ATXN7L1: variants seen among roughly 807,000 people sequenced by gnomAD.
ATXN7L1 encodes the protein ataxin-7-like protein 1.
Under a neutral mutation model 70.8 loss-of-function variants are expected in ATXN7L1, and 15 were observed. The observed-to-expected ratio is 0.21, with a 90% CI of 0.14 to 0.33. ATXN7L1 has a LOEUF of 0.33. ATXN7L1 is among the 10% of genes least tolerant of loss of function. ATXN7L1 has a pLI of 1.00. For synonymous variants in ATXN7L1, 440 were observed against 445.1 expected, an observed-to-expected ratio of 0.99 and a Z score of 0.14; for missense variants, 975 against 1,097.1, an observed-to-expected ratio of 0.89 and a Z score of 1.57.
rs935757825 is a variant in ATXN7L1, at chr7:105,606,049, CCTTT to C, written c.*1799_*1802del. On this transcript the variant is annotated 3_prime_UTR_variant, in exon 12 of 12. Coordinates refer to ENST00000419735, the MANE Select transcript of ATXN7L1 (RefSeq NM_020725.2). ...TTTATAAGTCTTAAAATCTCCTTAA[CCTTT>C]TTTTTTTAAAAAAAGAAAAAGTAAC... The C allele has an allele frequency of 6.6e-6, 1 of 151,660 alleles. No homozygotes were observed. The highest frequency in any genetic ancestry group is 1.5e-5 in the Non-Finnish European group (1 of 67,942). 9.4% of individuals were successfully genotyped at this position (151,660 alleles called of 1,614,324 possible). A position where few individuals can be genotyped will look rare whatever the true frequency, so the allele number is the denominator to read the frequency against.
intron 3 of ATXN7L1, among the ~76,000 whole-genome samples, chr7:105,784,709 C>G (rs1026525784): frequency 2.6e-5 from 4 of 152,104 alleles, no homozygotes; most frequent in Admixed American, 2.0e-4. Flanking sequence ...CCAGCAACCC[C>G]CTGAGGCAGG....
chr7:105,844,902 CA>C (rs1181820588), intron 2 of ATXN7L1, among the ~76,000 whole-genome samples: 1 of 151,992 alleles, frequency 6.6e-6, no homozygotes. Context: ...AATAAAAGAA[CA>C]TACATAAGAA....
intron 2 of ATXN7L1, among the ~76,000 whole-genome samples, chr7:105,858,614 CA>C (rs1406397339): frequency 6.6e-6 from 1 of 152,164 alleles, no homozygotes; most frequent in African/African-American, 2.4e-5. Flanking sequence ...CAGCAGTGGT[CA>C]CCACCTTACG....
At chr7:105,704,812 T>A (rs1292241617) in intron 3 of ATXN7L1, among the ~76,000 whole-genome samples, 2 of 151,950 alleles carry the variant, frequency 1.3e-5, no homozygotes, top group Non-Finnish European at 2.9e-5. Context: ...CGTTTCACTA[T>A]GTTGGCCAGG....
At chr7:105,654,946 T>C (rs1584538361) in intron 4 of ATXN7L1, among the ~76,000 whole-genome samples, 2 of 148,026 alleles carry the variant, frequency 1.4e-5, no homozygotes, top group Admixed American at 1.4e-4. Context: ...AGAGACAGGG[T>C]TTCACCACAT....
intron 3 of ATXN7L1, among the ~76,000 whole-genome samples, chr7:105,749,021 G>C (rs1471354850): frequency 6.6e-6 from 1 of 152,108 alleles, no homozygotes; most frequent in African/African-American, 2.4e-5. Flanking sequence ...AGAAGGAAGG[G>C]AACAGCTTGG....
intron 2 of ATXN7L1, among the ~76,000 whole-genome samples, chr7:105,873,557 T>C (rs935478055): frequency 1.2e-4 from 18 of 152,202 alleles, no homozygotes; most frequent in African/African-American, 4.1e-4. Flanking sequence ...ATTTTATCTA[T>C]AAAGAAAACT....
intron 2 of ATXN7L1, among the ~76,000 whole-genome samples, chr7:105,829,304 G>T (rs377108375): frequency 1.3e-5 from 2 of 152,062 alleles, no homozygotes; most frequent in Non-Finnish European, 2.9e-5. Flanking sequence ...TTAGCTGGGC[G>T]TGGCGGCGTA....
chr7:105,664,765 C>T (rs1802359647), intron 4 of ATXN7L1, among the ~76,000 whole-genome samples: 1 of 151,592 alleles, frequency 6.6e-6, no homozygotes, highest in Non-Finnish European at 1.5e-5. Context: ...CAGGGTTTCA[C>T]TGTGTTGCCC....
intron 3 of ATXN7L1, among the ~76,000 whole-genome samples, chr7:105,717,907 T>C (rs1017025176): frequency 6.6e-6 from 1 of 152,206 alleles, no homozygotes; most frequent in African/African-American, 2.4e-5. Context: ...TTAGTATATT[T>C]TTTCTCATTA....
chr7:105,786,387 C>G (rs1457247381), intron 3 of ATXN7L1, among the ~76,000 whole-genome samples: 1 of 152,226 alleles, frequency 6.6e-6, no homozygotes, highest in African/African-American at 2.4e-5. Context: ...CCTTGGCAAT[C>G]TGGGACCTTT....
chr7:105,761,948 G>C (rs1285108411), intron 3 of ATXN7L1, among the ~76,000 whole-genome samples: 2 of 152,090 alleles, frequency 1.3e-5, no homozygotes, highest in African/African-American at 4.8e-5. Flanking sequence ...TTATTCCCTG[G>C]GGATGATAGG....
intron 9 of ATXN7L1, among the ~76,000 whole-genome samples, chr7:105,619,139 A>ATTTTT (rs1794365463): frequency 1.9e-3 from 44 of 23,552 alleles, no homozygotes; most frequent in African/African-American, 4.4e-3. Context: ...TGAAATCTTT[A>ATTTTT]GTTTTTTTTT....
intron 4 of ATXN7L1, among the ~76,000 whole-genome samples, chr7:105,654,030 G>A (rs185855541): frequency 1.1e-3 from 170 of 152,292 alleles, no homozygotes; most frequent in Admixed American, 3.6e-3. Flanking sequence ...ACCAGACTGT[G>A]AGCTGCCTGA....
intron 4 of ATXN7L1, among the ~76,000 whole-genome samples, chr7:105,660,283 C>T (rs912659070): frequency 6.6e-6 from 1 of 152,026 alleles, no homozygotes; most frequent in Non-Finnish European, 1.5e-5. Flanking sequence ...CCTTTAACAC[C>T]GCTTTGAAAT....
chr7:105,651,735 A>G (rs1398973029), intron 4 of ATXN7L1, among the ~76,000 whole-genome samples: 1 of 152,204 alleles, frequency 6.6e-6, no homozygotes, highest in East Asian at 1.9e-4. Context: ...ACTAGTGGTT[A>G]AAGGTCCCAT....
intron 2 of ATXN7L1, among the ~76,000 whole-genome samples, chr7:105,839,315 C>T (rs961313454): frequency 1.3e-5 from 2 of 152,116 alleles, no homozygotes; most frequent in Non-Finnish European, 2.9e-5. Context: ...GATGGTTTGG[C>T]ATCTCACCCT....
intron 3 of ATXN7L1, among the ~76,000 whole-genome samples, chr7:105,731,480 G>A (rs1002945661): frequency 6.7e-6 from 1 of 148,954 alleles, no homozygotes; most frequent in Admixed American, 6.7e-5. Flanking sequence ...TGTTGCCCAG[G>A]CTGGAGTGCA....
At chr7:105,775,000 G>A (rs1288383466) in intron 3 of ATXN7L1, among the ~76,000 whole-genome samples, 1 of 152,014 alleles carries the variant, frequency 6.6e-6, no homozygotes, top group African/African-American at 2.4e-5. Context: ...AAAGACAATG[G>A]TTGCTTTCTC....
Sources: allele counts gnomAD v4.1 joint callset (sites outside exome capture counted in the v4.1 genomes callset), GRCh38; gene constraint gnomAD v4.1.1; transcripts MANE v1.5; gene names NCBI Gene and HGNC (gene_info 2026-07-23, HGNC 2026-07-21).